Variants in ARHGEF10 observed in about 807,000 individuals in gnomAD.
The protein encoded by ARHGEF10 is Rho guanine nucleotide exchange factor 10.
Under a neutral mutation model 147.4 loss-of-function variants are expected in ARHGEF10, and 140 were observed. The observed-to-expected ratio is 0.95, with a 90% CI of 0.83 to 1.09. The LOEUF is 1.09. Ranked by LOEUF, ARHGEF10 falls within the 50% of genes least tolerant of loss-of-function variation. The pLI is 0.00. For missense variants in ARHGEF10, 2,222 were observed against 1,752.7 expected, an observed-to-expected ratio of 1.27 and a Z score of -4.78; for synonymous variants, 902 against 695.8, an observed-to-expected ratio of 1.30 and a Z score of -4.67.
At chr8:1,850,455 G>A (rs1001893214) in intron 2 of ARHGEF10, among the ~76,000 whole-genome samples, 59 of 150,520 alleles carry the variant, frequency 3.9e-4, no homozygotes, top group African/African-American at 1.4e-3. Flanking sequence ...GAGGGTGTGG[G>A]GCAACCGCGT....
intron 9 of ARHGEF10, 38 bp downstream of exon 9, chr8:1,880,202 G>C (rs1359421177): frequency 2.0e-6 from 3 of 1,484,088 alleles, no homozygotes; most frequent in Non-Finnish European, 2.8e-6. Context: ...CCACTTGCCA[G>C]CCGGGCAGTA....
intron 8 of ARHGEF10, among the ~76,000 whole-genome samples, chr8:1,877,637 G>T (rs997408822): frequency 6.6e-6 from 1 of 151,416 alleles, no homozygotes; most frequent in Non-Finnish European, 1.5e-5. Context: ...TTCTGGAATT[G>T]GGTGGTTGTG....
chr8:1,888,221 G>T (rs1479628968), intron 11 of ARHGEF10, among the ~76,000 whole-genome samples: 2 of 87,252 alleles, frequency 2.3e-5, no homozygotes, highest in African/African-American at 5.6e-5. Context: ...GGCGAGGGTT[G>T]CGAGGAGACA....
intron 15 of ARHGEF10, among the ~76,000 whole-genome samples, chr8:1,899,008 A>G (rs1810246624): frequency 6.6e-6 from 1 of 152,250 alleles, no homozygotes; most frequent in Non-Finnish European, 1.5e-5. Context: ...CTGATTTAAC[A>G]GCAAATCACC....
intron 1 of ARHGEF10, among the ~76,000 whole-genome samples, chr8:1,841,260 G>T (rs1804009412): frequency 2.2e-5 from 2 of 93,010 alleles, no homozygotes; most frequent in Non-Finnish European, 5.0e-5. Context: ...GAAAAAGCTA[G>T]GGTAAAAGTA....
intron 24 of ARHGEF10, 49 bp downstream of exon 24, chr8:1,928,699 G>C: frequency 6.3e-7 from 1 of 1,597,968 alleles, no homozygotes; most frequent in South Asian, 1.1e-5. Flanking sequence ...TCTGCCCATG[G>C]AGGGCGTGGT....
rs1448550596 is a variant in ARHGEF10 at position 1,905,623 on chromosome 8, C to A, written c.1874C>A (p.Thr625Lys). 1 of 1,614,186 alleles carries A rather than the reference C, an allele frequency of 6.2e-7. No homozygotes were observed. Among genetic ancestry groups the A allele is most frequent in the African/African-American group, 1.3e-5 (1 of 75,046 alleles). ...ATTCGATCAGATGATATGATAGAAA[C>A]AGTTTACAACGACAGAGGAGAGATT... ...YLIRSDDMIE[T>K]VYNDRGEIVK... Residue 625 changes from threonine to lysine, a missense_variant, in exon 17 of 29, where the codon ACA becomes AAA. Transcript: ENST00000349830.
chr8:1,888,174 TGAGTGGGGTGAGGGTTTGC>T (rs1808901351), intron 11 of ARHGEF10, among the ~76,000 whole-genome samples: 1 of 62,430 alleles, frequency 1.6e-5, no homozygotes, highest in Admixed American at 1.3e-4. Context: ...GAGGAGACAG[TGAGTGGGGTGAGGGTTTGC>T]GAGGAGACAC....
At chr8:1,924,298 A>G (rs1375057632) in intron 21 of ARHGEF10, among the ~76,000 whole-genome samples, 2 of 152,104 alleles carry the variant, frequency 1.3e-5, no homozygotes, top group African/African-American at 4.8e-5. Context: ...GGGGGTTACT[A>G]AAGATCCTCC....
intron 27 of ARHGEF10, chr8:1,945,934 G>A (rs959115464): frequency 8.4e-6 from 5 of 592,954 alleles, no homozygotes; most frequent in South Asian, 7.9e-5. Context: ...TGCCATCTCT[G>A]TAGGTCAGAG....
intron 18 of ARHGEF10, among the ~76,000 whole-genome samples, chr8:1,915,673 C>T (rs1336057629): frequency 6.6e-6 from 1 of 152,252 alleles, no homozygotes; most frequent in African/African-American, 2.4e-5. Flanking sequence ...CTCCCGTTAC[C>T]TCAGGGACAA....
rs11288174 is a variant in ARHGEF10 at position 1,908,227 on chromosome 8, A to ATTTTT, written c.1968-1051_1968-1047dup. ...TTTGGTTATTTCTACCCACACTTTG[A>ATTTTT]TTTTTTTTTTTTTTTTTTTTTGAGA... On this transcript the variant is annotated intron_variant, in intron 17 of 28. Transcript: ENST00000349830. Among the ~76,000 whole-genome samples the ATTTTT allele has an allele frequency of 6.5e-4, 71 of 110,050 alleles. 1 individual carries two copies. The highest frequency in any genetic ancestry group is 2.4e-3 in the African/African-American group (64 of 26,648). 72.2% of individuals were successfully genotyped at this position (110,050 alleles called of 152,430 possible). A position where few individuals can be genotyped will look rare whatever the true frequency, so the allele number is the denominator to read the frequency against.
chr8:1,862,882 C>T lies in ARHGEF10; in HGVS notation c.482-1491C>T, dbSNP rs1355434059. Reference sequence around the variant, plus strand: ...CAAGCTCCGCCTCCCGGGTTCACACCGTTCTCCTGCCTCAGCCTCCCAAGT... The same window carrying T: ...CAAGCTCCGCCTCCCGGGTTCACACTGTTCTCCTGCCTCAGCCTCCCAAGT... On this transcript the variant is annotated intron_variant, in intron 4 of 28. Transcript: ENST00000349830. Among the ~76,000 whole-genome samples, 4 of 151,100 alleles carry T rather than the reference C, an allele frequency of 2.6e-5. No homozygotes were observed. In the South Asian group the frequency reaches 6.3e-4, roughly 24 times the overall value.
At chr8:1,931,886 C>T (rs1443773783) in intron 25 of ARHGEF10, among the ~76,000 whole-genome samples, 3 of 152,202 alleles carry the variant, frequency 2.0e-5, no homozygotes, top group Admixed American at 6.5e-5. Flanking sequence ...TGCAGAATGA[C>T]CCACCCAGGT....
chr8:1,833,066 AGACAG>A (rs1280405122), intron 1 of ARHGEF10, among the ~76,000 whole-genome samples: 1,909 of 103,890 alleles, frequency 0.018, 2 homozygotes, highest in Non-Finnish European at 0.023. Flanking sequence ...AGAGAGACAG[AGACAG>A]AGGCAGAGAG....
In ARHGEF10 at chr8:1,881,350, C is replaced by G. The variant is rs539439247; in HGVS notation, c.960+1186C>G. Among the ~76,000 whole-genome samples the G allele has an allele frequency of 1.7e-3, 261 of 152,018 alleles. 1 individual carries two copies. The highest frequency in any genetic ancestry group is 5.9e-3 in the African/African-American group (245 of 41,358). On this transcript the variant is annotated intron_variant, in intron 9 of 28. Coordinates refer to ENST00000349830, the MANE Select transcript of ARHGEF10 (RefSeq NM_014629.4). ...GTTCTCTGATACTCTGTCCGGGGAC[C>G]CTGAACGGCGCTGGCTGAAAACCAA...
intron 28 of ARHGEF10, among the ~76,000 whole-genome samples, chr8:1,953,559 G>T (rs1422956565): frequency 6.6e-6 from 1 of 152,248 alleles, no homozygotes; most frequent in African/African-American, 2.4e-5. Flanking sequence ...CCCAATCCAG[G>T]GAATTGGCCC....
intron 26 of ARHGEF10, among the ~76,000 whole-genome samples, chr8:1,942,788 G>A (rs779646234): frequency 6.6e-6 from 1 of 152,142 alleles, no homozygotes; most frequent in African/African-American, 2.4e-5. Context: ...CACGTCACGT[G>A]GATGAACCTG....
intron 1 of ARHGEF10, among the ~76,000 whole-genome samples, chr8:1,833,789 G>C (rs558427876): frequency 3.3e-5 from 5 of 152,152 alleles, no homozygotes; most frequent in Non-Finnish European, 4.4e-5. Flanking sequence ...CCTCCTGGCC[G>C]CTGACCCCCA....
Sources: gnomAD v4.1 joint callset for allele counts (sites outside exome capture counted in the v4.1 genomes callset) on GRCh38, gnomAD v4.1.1 for gene constraint, MANE v1.5 for transcripts, NCBI Gene and HGNC (gene_info 2026-07-23, HGNC 2026-07-21) for gene names.